Variants in ERBB4 observed in about 807,000 individuals in gnomAD.
ERBB4 encodes the protein erb-b2 receptor tyrosine kinase 4, also known as receptor tyrosine-protein kinase erbB-4.
Under a neutral mutation model 158.0 loss-of-function variants are expected in ERBB4, and 42 were observed. The ratio of observed to expected loss-of-function variants is 0.27; its 90% CI spans 0.21 to 0.34. ERBB4 has a LOEUF of 0.34. Among genes scored for constraint, ERBB4 ranks in the 10% least tolerant of loss-of-function variants. The pLI, the probability that ERBB4 is intolerant of heterozygous loss-of-function variation, is 1.00. For missense variants in ERBB4, 1,333 were observed against 1,624.1 expected (o/e 0.82, Z 3.08); for synonymous variants, 583 against 558.7 (o/e 1.04, Z -0.61).
chr2:211,809,323 G>C (rs11885403), intron 3 of ERBB4, among the ~76,000 whole-genome samples: 135,714 of 152,216 alleles, frequency 0.89, 60,614 homozygotes, highest in East Asian at 0.94. Context: ...TGGTCCTGGA[G>C]TTTTTTTGGT....
rs907599508 is a variant in ERBB4 at position 212,023,650 on chromosome 2, T to G, written c.235-76034A>C. ...TGCATCATGCAAAAATTTACTGAGA[T>G]GGATAATACAGACATATTGAAATGG... On this transcript the variant is annotated intron_variant, in intron 2 of 27. Transcript: ENST00000342788. 2.6e-5 allele frequency among the ~76,000 whole-genome samples: 4 copies of G among 151,942 alleles called. No individual in the cohort carries two copies. The East Asian group carries it at 5.8e-4, about 22-fold the overall frequency.
intron 3 of ERBB4, among the ~76,000 whole-genome samples, chr2:211,818,815 C>T (rs1283653004): frequency 2.0e-5 from 3 of 151,954 alleles, no homozygotes; most frequent in Non-Finnish European, 2.9e-5. Context: ...AGTCAGTTCT[C>T]TTATAGGTGG....
intron 20 of ERBB4, among the ~76,000 whole-genome samples, chr2:211,475,585 T>C (rs963607264): frequency 2.6e-5 from 4 of 152,070 alleles, no homozygotes; most frequent in African/African-American, 7.2e-5. Flanking sequence ...AAACATCATA[T>C]ACCAACTACC....
intron 13 of ERBB4, among the ~76,000 whole-genome samples, chr2:211,677,074 C>T (rs1286333488): frequency 6.6e-6 from 1 of 151,610 alleles, no homozygotes; most frequent in Non-Finnish European, 1.5e-5. Flanking sequence ...TAATATTTTC[C>T]CTTATATTTT....
intron 2 of ERBB4, among the ~76,000 whole-genome samples, chr2:211,985,589 C>T (rs2125240841): frequency 6.6e-6 from 1 of 152,048 alleles, no homozygotes; most frequent in East Asian, 1.9e-4. Flanking sequence ...CATCTAAATG[C>T]CAAGTCAGCG....
In ERBB4 at chr2:212,216,182, C is replaced by T. The variant is rs569105077; in HGVS notation, c.83-91279G>A. 4.0e-4 allele frequency among the ~76,000 whole-genome samples: 61 copies of T among 151,342 alleles called. No individual in the cohort carries two copies. In the South Asian group the frequency reaches 6.8e-3, roughly 17 times the overall value. On this transcript the variant is annotated intron_variant, in intron 1 of 27. Coordinates refer to ENST00000342788, the MANE Select transcript of ERBB4 (RefSeq NM_005235.3). ...AATGAGCATATTATTTTATGATAAT[C>T]CTTATGTTTAATATCTTTCCCTCTC...
At chr2:211,826,667 G>T (rs1371200) in intron 3 of ERBB4, among the ~76,000 whole-genome samples, 35,017 of 151,596 alleles carry the variant, frequency 0.23, 4,151 homozygotes, top group South Asian at 0.33. Context: ...TTAACACCAA[G>T]TATGCAGAAT....
chr2:211,488,454 G>C (rs1356020150), intron 20 of ERBB4, among the ~76,000 whole-genome samples: 1 of 152,034 alleles, frequency 6.6e-6, no homozygotes, highest in Non-Finnish European at 1.5e-5. Flanking sequence ...AGAATATCTG[G>C]CAGTGGAAAA....
intron 20 of ERBB4, among the ~76,000 whole-genome samples, chr2:211,543,421 A>G (rs933407767): frequency 2.6e-5 from 4 of 151,986 alleles, no homozygotes; most frequent in Non-Finnish European, 4.4e-5. Context: ...TAGCCCTCAA[A>G]TCATAAGAAA....
chr2:212,126,598 A>T (rs908921038), intron 1 of ERBB4, among the ~76,000 whole-genome samples: 1 of 152,180 alleles, frequency 6.6e-6, no homozygotes, highest in African/African-American at 2.4e-5. Flanking sequence ...AAGTAGATTA[A>T]AAATAGATAT....
intron 2 of ERBB4, among the ~76,000 whole-genome samples, chr2:212,111,225 C>T (rs1320505899): frequency 6.6e-6 from 1 of 152,314 alleles, no homozygotes; most frequent in East Asian, 1.9e-4. Flanking sequence ...GTTGTTAAGT[C>T]TTTATTAAGT....
intron 2 of ERBB4, among the ~76,000 whole-genome samples, chr2:212,067,201 A>G (rs548849995): frequency 6.6e-6 from 1 of 151,992 alleles, no homozygotes; most frequent in Non-Finnish European, 1.5e-5. Flanking sequence ...TTTTCATGAC[A>G]TTATGGTTAT....
chr2:212,261,076 C>G (rs1394594591), intron 1 of ERBB4, among the ~76,000 whole-genome samples: 1 of 152,128 alleles, frequency 6.6e-6, no homozygotes, highest in Non-Finnish European at 1.5e-5. Context: ...AGCACATCTC[C>G]TCTTTGAAGC....
chr2:211,662,131 T>A (rs1165881280), intron 15 of ERBB4, among the ~76,000 whole-genome samples: 3 of 134,470 alleles, frequency 2.2e-5, no homozygotes, highest in Non-Finnish European at 4.7e-5. Context: ...TATTCTAATA[T>A]CAACAAAAAC....
intron 1 of ERBB4, among the ~76,000 whole-genome samples, chr2:212,537,332 C>T (rs1258197675): frequency 2.6e-5 from 4 of 152,130 alleles, no homozygotes; most frequent in Admixed American, 6.5e-5. Context: ...AAAGGCACCC[C>T]TTGGCCACGT....
At chr2:211,507,842 C>T (rs1012061185) in intron 20 of ERBB4, among the ~76,000 whole-genome samples, 3 of 152,072 alleles carry the variant, frequency 2.0e-5, no homozygotes, top group Non-Finnish European at 2.9e-5. Flanking sequence ...CATCTACAAC[C>T]ATCTGATCTT....
At chr2:212,312,922 G>A (rs923786872) in intron 1 of ERBB4, among the ~76,000 whole-genome samples, 1 of 150,762 alleles carries the variant, frequency 6.6e-6, no homozygotes, top group Non-Finnish European at 1.5e-5. Context: ...AAGTTACTAT[G>A]AGCTAAATCA....
At chr2:211,714,096 C>A (rs1408342212) in intron 7 of ERBB4, among the ~76,000 whole-genome samples, 1 of 152,090 alleles carries the variant, frequency 6.6e-6, no homozygotes, top group African/African-American at 2.4e-5. Flanking sequence ...AAAATGTGTT[C>A]TATTTTTCAG....
chr2:212,219,663 A>G (rs868173309), intron 1 of ERBB4, among the ~76,000 whole-genome samples: 7 of 151,262 alleles, frequency 4.6e-5, no homozygotes, highest in South Asian at 2.1e-4. Flanking sequence ...GAAGCTAGAA[A>G]GAGCCAATGG....
Sources: gnomAD v4.1 joint callset for allele counts (sites outside exome capture counted in the v4.1 genomes callset) on GRCh38, gnomAD v4.1.1 for gene constraint, MANE v1.5 for transcripts, NCBI Gene and HGNC (gene_info 2026-07-23, HGNC 2026-07-21) for gene names.